LINGO2: variants seen among roughly 807,000 people sequenced by gnomAD.
The protein encoded by LINGO2 is leucine-rich repeat and immunoglobulin-like domain-containing nogo receptor-interacting protein 2.
In LINGO2, 14 loss-of-function variants were observed where a neutral mutation model predicts 30.6. That is an observed-to-expected ratio of 0.46 (90% CI 0.30 to 0.72). LINGO2 has a LOEUF of 0.72. Among genes scored for constraint, LINGO2 ranks in the 30% least tolerant of loss-of-function variants. The pLI is 0.07. For missense variants in LINGO2, 729 were observed against 751.7 expected, an observed-to-expected ratio of 0.97 and a Z score of 0.35; for synonymous variants, 317 against 288.5, an observed-to-expected ratio of 1.10 and a Z score of -1.00.
At chr9:28,514,697 C>T (rs1234879343) in intron 1 of LINGO2, among the ~76,000 whole-genome samples, 3 of 152,024 alleles carry the variant, frequency 2.0e-5, no homozygotes. Context: ...CGTAAAAGTG[C>T]AAGCGGAAAC....
the LINGO2 span, among the ~76,000 whole-genome samples, chr9:28,951,374 G>T: frequency 6.6e-6 from 1 of 151,830 alleles, no homozygotes; most frequent in Admixed American, 6.6e-5. Flanking sequence ...TCTGCAATGG[G>T]GGTGGGGGGG....
intron 4 of LINGO2, among the ~76,000 whole-genome samples, chr9:28,125,169 G>A (rs1015434029): frequency 3.9e-5 from 6 of 152,220 alleles, no homozygotes; most frequent in African/African-American, 1.4e-4. Flanking sequence ...AAAAATGTGT[G>A]TGCATTGGCT....
At chr9:28,009,800 T>A (rs1822464457) in intron 5 of LINGO2, among the ~76,000 whole-genome samples, 1 of 152,196 alleles carries the variant, frequency 6.6e-6, no homozygotes, top group African/African-American at 2.4e-5. Flanking sequence ...GAACAACAGT[T>A]TGGCAGTTTC....
intron 5 of LINGO2, among the ~76,000 whole-genome samples, chr9:27,956,241 C>T (rs142886997): frequency 4.1e-4 from 62 of 152,212 alleles, no homozygotes; most frequent in Non-Finnish European, 6.5e-4. Flanking sequence ...TGCGCCTGGC[C>T]GACTGTCTTT....
At chr9:28,676,220 A>T in the LINGO2 span, among the ~76,000 whole-genome samples, 1 of 152,060 alleles carries the variant, frequency 6.6e-6, no homozygotes, top group African/African-American at 2.4e-5. Flanking sequence ...CTAATATTAA[A>T]GATTAAGTTA....
intron 2 of LINGO2, among the ~76,000 whole-genome samples, chr9:28,407,636 A>G (rs1031781256): frequency 2.0e-5 from 3 of 152,172 alleles, no homozygotes; most frequent in African/African-American, 4.8e-5. Flanking sequence ...GCACATAGCA[A>G]AACAAGTGTG....
chr9:29,007,024 GATTTT>G, the LINGO2 span, among the ~76,000 whole-genome samples: 1 of 152,036 alleles, frequency 6.6e-6, no homozygotes, highest in Non-Finnish European at 1.5e-5. Context: ...CTCTGTAAAT[GATTTT>G]ATTAAGCATG....
chr9:28,251,761 G>A (rs1056834753), intron 4 of LINGO2, among the ~76,000 whole-genome samples: 29 of 151,924 alleles, frequency 1.9e-4, no homozygotes, highest in African/African-American at 6.0e-4. Flanking sequence ...ATTAATAACA[G>A]GTAGAATTCA....
chr9:28,377,153 A>C (rs1412422), intron 2 of LINGO2, among the ~76,000 whole-genome samples: 56,076 of 151,882 alleles, frequency 0.37, 10,668 homozygotes, highest in Middle Eastern at 0.53. Flanking sequence ...TATACATGGA[A>C]ATTTTTCCAT....
the LINGO2 span, among the ~76,000 whole-genome samples, chr9:29,166,573 G>C: frequency 1.3e-5 from 2 of 152,024 alleles, no homozygotes; most frequent in African/African-American, 4.8e-5. Context: ...AGACACACAA[G>C]GTTCTTGTTA....
chr9:28,065,053 G>C (rs1370316142), intron 4 of LINGO2, among the ~76,000 whole-genome samples: 1 of 151,546 alleles, frequency 6.6e-6, no homozygotes, highest in African/African-American at 2.4e-5. Flanking sequence ...GACAAGACAA[G>C]CTTTCTTCTA....
rs373960184 is a variant in LINGO2 at position 28,335,014 on chromosome 9, T to C, written c.-246+37822A>G. Reference sequence around the variant, plus strand: ...AGAAATTAAGTTACTTTAGAGATAATAGAAATGTGATGTTTCTTGCCTATC... The same window carrying C: ...AGAAATTAAGTTACTTTAGAGATAACAGAAATGTGATGTTTCTTGCCTATC... On this transcript the variant is annotated intron_variant, in intron 3 of 5. Coordinates refer to ENST00000379992, the Ensembl canonical transcript of LINGO2. Among the ~76,000 whole-genome samples the C allele has an allele frequency of 8.5e-5, 13 of 152,250 alleles. 1 individual carries two copies. The South Asian group carries it at 2.3e-3, about 27-fold the overall frequency.
intron 3 of LINGO2, among the ~76,000 whole-genome samples, chr9:28,359,440 C>T (rs141123312): frequency 1.4e-4 from 22 of 152,240 alleles, no homozygotes; most frequent in Admixed American, 6.5e-4. Context: ...AATACCATTT[C>T]CTGTCCCCAC....
At chr9:29,017,885 C>T in the LINGO2 span, among the ~76,000 whole-genome samples, 1 of 151,864 alleles carries the variant, frequency 6.6e-6, no homozygotes, top group Non-Finnish European at 1.5e-5. Flanking sequence ...CCCAGAACAG[C>T]TCAGCGTCAG....
At chr9:28,506,479 C>CATATATATATATATAT (rs1262674322) in intron 1 of LINGO2, among the ~76,000 whole-genome samples, 2 of 11,362 alleles carry the variant, frequency 1.8e-4, no homozygotes, top group Non-Finnish European at 8.5e-4. Context: ...CACACACACA[C>CATATATATATATATAT]ATACACATAC....
At chr9:28,090,064 A>C (rs534284713) in intron 4 of LINGO2, among the ~76,000 whole-genome samples, 13 of 152,302 alleles carry the variant, frequency 8.5e-5, no homozygotes, top group Middle Eastern at 6.8e-3. Context: ...AATTGAGGCA[A>C]TAATTAATAG....
chr9:28,402,232 G>A (rs1023344879), intron 2 of LINGO2, among the ~76,000 whole-genome samples: 3 of 151,920 alleles, frequency 2.0e-5, no homozygotes, highest in Non-Finnish European at 4.4e-5. Flanking sequence ...ACTTAGGATA[G>A]GCATTATGAA....
At chr9:28,509,228 C>T (rs538085133) in intron 1 of LINGO2, among the ~76,000 whole-genome samples, 6 of 152,254 alleles carry the variant, frequency 3.9e-5, no homozygotes, top group African/African-American at 1.4e-4. Context: ...GGCTTAATTT[C>T]CCTCAAGAAC....
intron 4 of LINGO2, among the ~76,000 whole-genome samples, chr9:28,277,771 G>A (rs918713303): frequency 6.6e-6 from 1 of 150,716 alleles, no homozygotes; most frequent in Non-Finnish European, 1.5e-5. Flanking sequence ...AGCCTAGATG[G>A]TGCCACGCAC....
Sources: allele counts gnomAD v4.1 joint callset (sites outside exome capture counted in the v4.1 genomes callset), GRCh38; gene constraint gnomAD v4.1.1; transcripts MANE v1.5; gene names NCBI Gene and HGNC (gene_info 2026-07-23, HGNC 2026-07-21).